The following SHOX variants were observed in gnomAD, a reference collection of about 807,000 sequenced individuals.
The protein encoded by SHOX is short stature homeobox protein.
SHOX carries 12 observed loss-of-function variants against 29.6 expected under a neutral mutation model. The ratio of observed to expected loss-of-function variants is 0.41; its 90% CI spans 0.26 to 0.66. The LOEUF is 0.66. Ranked by LOEUF, SHOX falls within the 30% of genes least tolerant of loss-of-function variation. The pLI is 0.35. For missense variants in SHOX, 499 were observed against 437.7 expected, an observed-to-expected ratio of 1.14 and a Z score of -1.25; for synonymous variants, 214 against 200.6, an observed-to-expected ratio of 1.07 and a Z score of -0.57.
intron 5 of SHOX, among the ~76,000 whole-genome samples, chrX:657,210 C>T (rs1396190950): frequency 5.3e-5 from 8 of 152,192 alleles, no homozygotes; most frequent in Non-Finnish European, 1.0e-4. Context: ...ATCAGTGCAT[C>T]GTGCAGTGAC....
intron 1 of SHOX, 33 bp from the exon 2 acceptor site, chrX:634,585 G>A (rs775926665): frequency 5.6e-6 from 9 of 1,609,322 alleles, no homozygotes; most frequent in African/African-American, 1.3e-5. Context: ...AACCTCCCCG[G>A]CCTCAGCCCT....
downstream of SHOX, among the ~76,000 whole-genome samples, chrX:655,265 G>A (rs1275906954): frequency 3.3e-5 from 5 of 151,282 alleles, no homozygotes; most frequent in South Asian, 2.1e-4. Context: ...CCGCCACCAC[G>A]CCCGGCTAAT....
At position 650,250 on chromosome X, in the gene SHOX, G is replaced by A. The variant is rs1481469903; in HGVS notation, c.*5614G>A. On this transcript the variant is annotated 3_prime_UTR_variant, in exon 5 of 5. Coordinates refer to ENST00000686671, the MANE Select transcript of SHOX (RefSeq NM_000451.4). ...TTTTTCCACTTACAAAGCTGGTGGT[G>A]CGACGGGCTTGGTGTCTCCCGTACG... Among the ~76,000 whole-genome samples, 2 of 152,206 alleles carry A rather than the reference G, an allele frequency of 1.3e-5. No individual in the cohort carries two copies. Among genetic ancestry groups the A allele is most frequent in the Admixed American group, 6.5e-5 (1 of 15,286 alleles).
At chrX:636,884 G>T (rs965306909) in intron 2 of SHOX, among the ~76,000 whole-genome samples, 5 of 145,446 alleles carry the variant, frequency 3.4e-5, no homozygotes, top group African/African-American at 5.0e-5. Flanking sequence ...CATCGATGTT[G>T]CTTAGGAGAT....
At chrX:659,000 G>T in exon 6 of SHOX, 1 of 155,272 alleles carries the variant, frequency 6.4e-6, no homozygotes, top group Non-Finnish European at 1.4e-5. Flanking sequence ...CCTGACCTCA[G>T]GTGATCCACC....
At chrX:626,909 C>G (rs1282588692), upstream of SHOX, among the ~76,000 whole-genome samples, 1 of 151,380 alleles carries the variant, frequency 6.6e-6, no homozygotes, top group African/African-American at 2.4e-5. Flanking sequence ...CTCTGTCTCT[C>G]TCTGTGTCTC....
chrX:654,084 A>C (rs1363105516), downstream of SHOX, among the ~76,000 whole-genome samples: 1 of 152,156 alleles, frequency 6.6e-6, no homozygotes, highest in Admixed American at 6.6e-5. Context: ...GTTAAAAGTT[A>C]AATTTTTGTC....
chrX:632,491 G>A (rs762655350), intron 1 of SHOX, among the ~76,000 whole-genome samples: 1 of 152,256 alleles, frequency 6.6e-6, no homozygotes, highest in South Asian at 2.1e-4. Context: ...TTGCTGATTC[G>A]CAGAGTTGAG....
intron 4 of SHOX, among the ~76,000 whole-genome samples, chrX:643,946 G>A (rs956665920): frequency 1.4e-5 from 2 of 143,828 alleles, no homozygotes; most frequent in African/African-American, 5.7e-5. Context: ...GGTGATCTTG[G>A]AGAGGCTTGG....
intron 4 of SHOX, among the ~76,000 whole-genome samples, chrX:643,611 C>A: frequency 7.4e-6 from 1 of 134,732 alleles, no homozygotes; most frequent in Non-Finnish European, 1.6e-5. Context: ...GACCTGGTGT[C>A]CTGGGAGAGC....
chrX:628,028 C>G (rs1214184986), upstream of SHOX, among the ~76,000 whole-genome samples: 1 of 151,948 alleles, frequency 6.6e-6, no homozygotes, highest in Non-Finnish European at 1.5e-5. Flanking sequence ...AGCCAGAGAC[C>G]CTTCTCCGAA....
At chrX:626,485 C>G (rs1215904953), upstream of SHOX, among the ~76,000 whole-genome samples, 1 of 135,250 alleles carries the variant, frequency 7.4e-6, no homozygotes, top group East Asian at 2.1e-4. Flanking sequence ...GTCTCTCTTT[C>G]TCTCTCTCCT....
intron 4 of SHOX, among the ~76,000 whole-genome samples, chrX:644,047 T>C (rs922419424): frequency 2.6e-5 from 4 of 151,526 alleles, no homozygotes; most frequent in African/African-American, 9.7e-5. Flanking sequence ...CGGGGGCTGG[T>C]TGGGGGAGAG....
At chrX:629,590 T>C (rs755462442), upstream of SHOX, among the ~76,000 whole-genome samples, 238 of 152,170 alleles carry the variant, frequency 1.6e-3, 1 homozygote, top group African/African-American at 5.3e-3. Flanking sequence ...TCTCTCTCTT[T>C]CTGTGTCTTA....
rs1271732670 is a variant in SHOX at position 625,226 on chromosome X, TCCC to T, written c.-433+625_-433+627del. Among the ~76,000 whole-genome samples, 220 of 122,704 alleles carry T rather than the reference TCCC, an allele frequency of 1.8e-3. 3 individuals carry two copies. Among genetic ancestry groups the T allele is most frequent in the South Asian group, 0.014 (45 of 3,150 alleles). 80.5% of individuals were successfully genotyped at this position (122,704 alleles called of 152,430 possible). On this transcript the variant is annotated intron_variant, in intron 1 of 5. Coordinates refer to the SHOX transcript ENST00000334060. Reference sequence around the variant, plus strand: ...CTTCTCCTCCTCCTCCTCCTCCTTCTCCCTCCTCCTCCTCCTTCTACTCCTTTT... The same window carrying T: ...CTTCTCCTCCTCCTCCTCCTCCTTCTTCCTCCTCCTCCTTCTACTCCTTTT...
Position 648,735 on chromosome X carries a change from C to A in SHOX, c.*4099C>A, listed in dbSNP as rs2053000016. On this transcript the variant is annotated 3_prime_UTR_variant, in exon 5 of 5. Transcript: ENST00000686671. The stretch of plus-strand genomic sequence containing the variant: ...TTCTCCTGCGAGAGAAGTTGGGTGA[C>A]TTTCTGTAGGTGGATGAGTGATCCC... Among the ~76,000 whole-genome samples, 1 of 152,098 alleles carries A rather than the reference C, an allele frequency of 6.6e-6. No individual in the cohort carries two copies. The highest frequency in any genetic ancestry group is 2.4e-5 in the African/African-American group (1 of 41,420).
chrX:638,989 G>T (rs2052803551), intron 2 of SHOX, among the ~76,000 whole-genome samples: 1 of 152,178 alleles, frequency 6.6e-6, no homozygotes, highest in African/African-American at 2.4e-5. Flanking sequence ...GTGGTGGTGG[G>T]GGAGAGGAGG....
chrX:634,189 C>G (rs2052698406), intron 1 of SHOX, among the ~76,000 whole-genome samples: 1 of 152,214 alleles, frequency 6.6e-6, no homozygotes, highest in Non-Finnish European at 1.5e-5. Flanking sequence ...GATAGCGTCT[C>G]TCCGTAGGCC....
At chrX:634,565 C>G (rs2052707282) in intron 1 of SHOX, 53 bp from the exon 2 acceptor site, 2 of 1,593,808 alleles carry the variant, frequency 1.3e-6, no homozygotes, top group Non-Finnish European at 8.6e-7. Flanking sequence ...GGGTTCGCCA[C>G]GTTGCGCAAA....
Sources: allele counts gnomAD v4.1 joint callset (sites outside exome capture counted in the v4.1 genomes callset), GRCh38; gene constraint gnomAD v4.1.1; transcripts MANE v1.5; gene names NCBI Gene and HGNC (gene_info 2026-07-23, HGNC 2026-07-21).